TNNI3K: variants seen among roughly 807,000 people sequenced by gnomAD.
The protein encoded by TNNI3K is TNNI3 interacting kinase.
A neutral mutation model predicts 114.5 loss-of-function variants in TNNI3K; 140 were observed. The ratio of observed to expected loss-of-function variants is 1.22; its 90% CI spans 1.07 to 1.41. The LOEUF is 1.41. TNNI3K is among the 40% of genes most tolerant of loss of function. The pLI is 0.00. For synonymous variants in TNNI3K, 347 were observed against 347.5 expected, an observed-to-expected ratio of 1.00 and a Z score of 0.02; for missense variants, 1,125 against 1,007.6, an observed-to-expected ratio of 1.12 and a Z score of -1.58.
chr1:74,376,414 G>T (rs936137176), intron 17 of TNNI3K, among the ~76,000 whole-genome samples: 2 of 151,870 alleles, frequency 1.3e-5, no homozygotes, highest in African/African-American at 4.8e-5. Context: ...TAAACAGAAA[G>T]AATTCTGCAT....
At chr1:74,313,519 G>A (rs925522447) in intron 5 of TNNI3K, among the ~76,000 whole-genome samples, 1 of 152,150 alleles carries the variant, frequency 6.6e-6, no homozygotes, top group Non-Finnish European at 1.5e-5. Flanking sequence ...TCCTAAACCT[G>A]GAGTCTTGGC....
chr1:74,392,937 G>A (rs1438263544), intron 17 of TNNI3K, among the ~76,000 whole-genome samples: 2 of 152,096 alleles, frequency 1.3e-5, no homozygotes, highest in Non-Finnish European at 2.9e-5. Flanking sequence ...GAGTTTCTGG[G>A]AACATTTTCT....
chr1:74,238,336 G>A (rs867652803), intron 2 of TNNI3K, among the ~76,000 whole-genome samples: 17 of 151,778 alleles, frequency 1.1e-4, no homozygotes, highest in Admixed American at 2.0e-4. Context: ...ATAAAATGAG[G>A]TGAATAATAA....
At chr1:74,522,527 A>C (rs1646447804) in intron 23 of TNNI3K, among the ~76,000 whole-genome samples, 1 of 151,968 alleles carries the variant, frequency 6.6e-6, no homozygotes, top group Non-Finnish European at 1.5e-5. Context: ...TAGAAGACCT[A>C]CTCCTGAGGG....
chr1:74,256,726 C>A (rs1314018018), intron 4 of TNNI3K, among the ~76,000 whole-genome samples: 1 of 152,036 alleles, frequency 6.6e-6, no homozygotes, highest in Non-Finnish European at 1.5e-5. Context: ...AATATAAGAA[C>A]CTTCCAGTAG....
At chr1:74,341,054 A>G (rs1660723492) in intron 7 of TNNI3K, among the ~76,000 whole-genome samples, 1 of 152,224 alleles carries the variant, frequency 6.6e-6, no homozygotes, top group Non-Finnish European at 1.5e-5. Context: ...TATAGCAGCT[A>G]CAAGGCCTAA....
At chr1:74,520,160 C>A (rs1026521708) in intron 23 of TNNI3K, among the ~76,000 whole-genome samples, 1 of 17,166 alleles carries the variant, frequency 5.8e-5, no homozygotes, top group Non-Finnish European at 2.1e-4. Flanking sequence ...CCCTTTCCAC[C>A]CTTTCCCCGA....
intron 17 of TNNI3K, among the ~76,000 whole-genome samples, chr1:74,422,253 T>C (rs1242063704): frequency 1.3e-5 from 2 of 151,942 alleles, no homozygotes; most frequent in African/African-American, 4.8e-5. Flanking sequence ...TTTATCACTC[T>C]GTGAGGAATA....
chr1:74,439,504 G>C lies in TNNI3K; in HGVS notation c.1893G>C (p.Met631Ile), dbSNP rs748679301. 1.2e-6 allele frequency: 2 copies of C among 1,611,956 alleles called. No homozygotes were observed. Among genetic ancestry groups the C allele is most frequent in the East Asian group, 2.2e-5 (1 of 44,794 alleles). ...MTKQPGNLRW[M>I]APEVFTQCTR... ...TTGATGTGCAGAACCTCCGTTGGATGGCTCCTGAGGTGTTCACGCAGTGCA... is the reference window on the plus strand; with the variant it reads ...TTGATGTGCAGAACCTCCGTTGGATCGCTCCTGAGGTGTTCACGCAGTGCA... The change falls in exon 20 of 25, where the codon ATG (methionine) becomes ATC (isoleucine). Residue 631 changes from methionine to isoleucine, a missense_variant. Met to Ile is a conservative substitution (Grantham distance 10, BLOSUM62 1). Coordinates refer to ENST00000326637, the MANE Select transcript of TNNI3K (RefSeq NM_015978.3).
chr1:74,304,173 AT>A (rs1251255180), intron 5 of TNNI3K, among the ~76,000 whole-genome samples: 4 of 152,228 alleles, frequency 2.6e-5, no homozygotes, highest in Admixed American at 1.3e-4. Flanking sequence ...ATTGACCCAA[AT>A]TTTGAAAGAA....
chr1:74,515,872 A>G (rs1021256014), intron 23 of TNNI3K, among the ~76,000 whole-genome samples: 1 of 152,234 alleles, frequency 6.6e-6, no homozygotes, highest in Non-Finnish European at 1.5e-5. Flanking sequence ...TAAAAGGACT[A>G]TACTTACACC....
intron 7 of TNNI3K, among the ~76,000 whole-genome samples, chr1:74,338,460 G>T (rs1660591385): frequency 6.6e-6 from 1 of 151,068 alleles, no homozygotes; most frequent in Admixed American, 6.6e-5. Flanking sequence ...ACTCAGAGTT[G>T]CGTCTTGCCA....
At chr1:74,279,234 G>A (rs1028810746) in intron 5 of TNNI3K, among the ~76,000 whole-genome samples, 1 of 152,150 alleles carries the variant, frequency 6.6e-6, no homozygotes, top group Non-Finnish European at 1.5e-5. Context: ...TACTCCAGAC[G>A]ATTAATCCTC....
chr1:74,540,392 G>A lies in TNNI3K; in HGVS notation c.2431+79G>A, dbSNP rs3845348. The A allele has an allele frequency of 0.96, 1,317,833 of 1,379,264 alleles. 630,068 individuals carry two copies. The highest frequency in any genetic ancestry group is 0.97 in the Non-Finnish European group (960,739 of 995,420). The allele number at this position is 1,379,264 out of a possible 1,614,324, so 85.4% of individuals were successfully genotyped here. ...TGTCTATTTGACAAAAAGGGAGAAAGCATTGCATATTGTAATATCCAAAAT... is the reference window on the plus strand; with the variant it reads ...TGTCTATTTGACAAAAAGGGAGAAAACATTGCATATTGTAATATCCAAAAT... On this transcript the variant is annotated intron_variant, in intron 24 of 24. Coordinates refer to ENST00000326637, the MANE Select transcript of TNNI3K (RefSeq NM_015978.3).
chr1:74,500,465 G>A (rs563695229), intron 23 of TNNI3K, among the ~76,000 whole-genome samples: 261 of 150,804 alleles, frequency 1.7e-3, no homozygotes, highest in African/African-American at 6.0e-3. Context: ...TTAGCCGGGC[G>A]TAGTGGCGGG....
intron 9 of TNNI3K, among the ~76,000 whole-genome samples, chr1:74,347,687 G>A (rs1312925027): frequency 3.3e-5 from 5 of 152,250 alleles, no homozygotes; most frequent in East Asian, 1.9e-4. Flanking sequence ...TTTAATGATT[G>A]CCATTCTAAC....
rs148637810 is a variant in TNNI3K at position 74,432,215 on chromosome 1, T to C, written c.1773-3865T>C. Among the ~76,000 whole-genome samples the C allele has an allele frequency of 5.4e-3, 822 of 152,276 alleles. 9 individuals are homozygous for C. The highest frequency in any genetic ancestry group is 0.018 in the African/African-American group (755 of 41,572). ...TAGCTCAACTGCAGGTTTGCTTATC[T>C]GTCAAATCAAATCAAATTTTGCTGA... On this transcript the variant is annotated intron_variant, in intron 17 of 24. Transcript: ENST00000326637.
chr1:74,247,015 A>C (rs1654603347), intron 2 of TNNI3K, among the ~76,000 whole-genome samples: 1 of 152,178 alleles, frequency 6.6e-6, no homozygotes, highest in African/African-American at 2.4e-5. Context: ...AAATGAGTAA[A>C]ATAATATATG....
At chr1:74,421,499 T>G (rs1424161238) in intron 17 of TNNI3K, among the ~76,000 whole-genome samples, 5 of 152,136 alleles carry the variant, frequency 3.3e-5, no homozygotes, top group Non-Finnish European at 7.4e-5. Flanking sequence ...GGTAATTTTT[T>G]AAAAAAGAAA....
Sources: gnomAD v4.1 joint callset for allele counts (sites outside exome capture counted in the v4.1 genomes callset) on GRCh38, gnomAD v4.1.1 for gene constraint, MANE v1.5 for transcripts, NCBI Gene and HGNC (gene_info 2026-07-23, HGNC 2026-07-21) for gene names.